The following CRPPA variants were observed in gnomAD, a reference collection of about 807,000 sequenced individuals.
CRPPA encodes the protein D-ribitol-5-phosphate cytidylyltransferase.
Under a neutral mutation model 52.0 loss-of-function variants are expected in CRPPA, and 43 were observed. The observed-to-expected ratio is 0.83, with a 90% CI of 0.65 to 1.07. The LOEUF (loss-of-function observed/expected upper bound fraction) is 1.07, where lower values mean the gene tolerates loss of function less well. CRPPA is among the 50% of genes least tolerant of loss of function. CRPPA has a pLI of 0.00. For synonymous variants in CRPPA, 250 were observed against 203.5 expected, an observed-to-expected ratio of 1.23 and a Z score of -1.94; for missense variants, 629 against 551.7, an observed-to-expected ratio of 1.14 and a Z score of -1.40.
chr7:16,366,741 T>C (rs1237845143), intron 3 of CRPPA, among the ~76,000 whole-genome samples: 9 of 144,692 alleles, frequency 6.2e-5, no homozygotes, highest in Non-Finnish European at 1.1e-4. Flanking sequence ...TATATGAACC[T>C]ACCTAGTAGA....
At chr7:16,363,547 AT>A (rs992876660) in intron 3 of CRPPA, among the ~76,000 whole-genome samples, 3 of 152,156 alleles carry the variant, frequency 2.0e-5, no homozygotes, top group African/African-American at 7.2e-5. Context: ...TATCTATTTG[AT>A]TTTTTTAGAG....
At chr7:16,293,399 C>G (rs925117766) in intron 5 of CRPPA, among the ~76,000 whole-genome samples, 3 of 151,848 alleles carry the variant, frequency 2.0e-5, no homozygotes, top group African/African-American at 7.2e-5. Flanking sequence ...TTCTTTGAAT[C>G]AAAAGCCAAT....
chr7:16,267,802 C>T (rs770156875), intron 6 of CRPPA, among the ~76,000 whole-genome samples: 9 of 151,902 alleles, frequency 5.9e-5, no homozygotes, highest in Non-Finnish European at 8.8e-5. Context: ...GTTAAGGATT[C>T]GAGCGTGGGT....
intron 6 of CRPPA, among the ~76,000 whole-genome samples, chr7:16,260,489 G>T (rs368055917): frequency 1.3e-5 from 2 of 151,930 alleles, no homozygotes; most frequent in South Asian, 4.1e-4. Context: ...GAAAAAAACC[G>T]AGTGCTACAT....
chr7:16,407,800 T>C (rs1169357500), intron 1 of CRPPA, among the ~76,000 whole-genome samples: 1 of 152,102 alleles, frequency 6.6e-6, no homozygotes, highest in Admixed American at 6.6e-5. Flanking sequence ...TAATATTTAT[T>C]GAGCACTGAG....
chr7:16,092,203 AG>A (rs989085822), intron 9 of CRPPA, among the ~76,000 whole-genome samples: 62 of 151,156 alleles, frequency 4.1e-4, no homozygotes, highest in Non-Finnish European at 5.3e-4. Context: ...GTACCGGTAT[AG>A]GGGGGAAAAC....
At chr7:16,359,553 T>G (rs1786389252) in intron 3 of CRPPA, among the ~76,000 whole-genome samples, 1 of 152,214 alleles carries the variant, frequency 6.6e-6, no homozygotes, top group Admixed American at 6.5e-5. Context: ...TTCTAACTTT[T>G]GTCCCCTCCT....
intron 9 of CRPPA, among the ~76,000 whole-genome samples, chr7:16,175,395 C>A (rs1046995849): frequency 6.6e-6 from 1 of 152,044 alleles, no homozygotes. Flanking sequence ...ATATACATTA[C>A]TTGTTTTTAA....
chr7:16,383,935 C>T (rs746360131), intron 2 of CRPPA, among the ~76,000 whole-genome samples: 39 of 152,196 alleles, frequency 2.6e-4, no homozygotes, highest in African/African-American at 3.9e-4. Flanking sequence ...ACTCCCTGAC[C>T]GCTTGCACTT....
rs990417071 is a variant in CRPPA at position 16,089,393 on chromosome 7, T to C, written c.*2302A>G. On this transcript the variant is annotated 3_prime_UTR_variant, in exon 10 of 10. Coordinates refer to ENST00000407010, the MANE Select transcript of CRPPA (RefSeq NM_001101426.4). The stretch of plus-strand genomic sequence containing the variant: ...ATGTACATATATACGTATATATGTA[T>C]GTACATAATGTGTATATATGTACGT... 34 of 369,038 alleles carry C rather than the reference T, an allele frequency of 9.2e-5. 1 individual carries two copies. Among genetic ancestry groups the C allele is most frequent in the African/African-American group, 5.6e-4 (26 of 46,574 alleles). The allele number at this position is 369,038 out of a possible 1,614,324, so 22.9% of individuals were successfully genotyped here.
chr7:16,104,069 G>A (rs780192689), intron 9 of CRPPA, among the ~76,000 whole-genome samples: 1 of 152,134 alleles, frequency 6.6e-6, no homozygotes, highest in African/African-American at 2.4e-5. Context: ...TGACTATTAG[G>A]CTTTTGAATA....
intron 3 of CRPPA, among the ~76,000 whole-genome samples, chr7:16,327,283 T>C (rs1177905501): frequency 1.3e-5 from 2 of 152,150 alleles, no homozygotes; most frequent in South Asian, 2.1e-4. Context: ...ACATGCATCC[T>C]GTGCAGACAG....
At chr7:16,286,020 C>A (rs78393481) in intron 5 of CRPPA, among the ~76,000 whole-genome samples, 1,690 of 7,174 alleles carry the variant, frequency 0.24, 79 homozygotes, top group African/African-American at 0.38. Flanking sequence ...AACTCCATCT[C>A]AAAAAAAAAA....
intron 3 of CRPPA, among the ~76,000 whole-genome samples, chr7:16,327,585 G>A (rs1785442694): frequency 8.6e-6 from 1 of 115,806 alleles, no homozygotes; most frequent in Non-Finnish European, 1.6e-5. Flanking sequence ...GGGCGACAGA[G>A]CGAGACTCCG....
intron 9 of CRPPA, among the ~76,000 whole-genome samples, chr7:16,093,752 TATAA>T (rs1336124523): frequency 5.3e-5 from 8 of 152,344 alleles, no homozygotes; most frequent in South Asian, 2.1e-4. Context: ...TTCATAAACA[TATAA>T]ATAAATATTC....
intron 9 of CRPPA, among the ~76,000 whole-genome samples, chr7:16,120,193 C>A (rs756610279): frequency 9.2e-5 from 14 of 152,126 alleles, no homozygotes; most frequent in African/African-American, 3.4e-4. Context: ...TCCTTTAAGC[C>A]CTTCAGGTGT....
intron 3 of CRPPA, among the ~76,000 whole-genome samples, chr7:16,374,754 C>T (rs1269637768): frequency 6.6e-6 from 1 of 152,060 alleles, no homozygotes; most frequent in Non-Finnish European, 1.5e-5. Flanking sequence ...CTCACTTTAC[C>T]ACTGTCTTCT....
intron 9 of CRPPA, among the ~76,000 whole-genome samples, chr7:16,105,971 C>G (rs1782142609): frequency 6.6e-6 from 1 of 152,176 alleles, no homozygotes. Flanking sequence ...GAAAGTCAAA[C>G]AGTGGCTCCA....
At position 16,091,769 on chromosome 7, in the gene CRPPA, G is replaced by A; in HGVS notation, c.1282C>T (p.Gln428Ter). Residue 428 changes from glutamine to a stop codon, truncating the protein, a stop_gained, in exon 10 of 10, where the codon CAA (glutamine) becomes TAA (stop). Transcript: ENST00000407010. LOFTEE classifies it high-confidence loss of function. Reference sequence around the variant, plus strand: ...AATGAAGCAATAATGATAGCACCTTGCCTTAAACTCTCCTGTAGCTTCTGA... The same window carrying A: ...AATGAAGCAATAATGATAGCACCTTACCTTAAACTCTCCTGTAGCTTCTGA... The part of the protein sequence containing the change: ...DDQKLQESLR[Q>*]GAIIIASLIK... 1 of 1,552,310 alleles carries A rather than the reference G, an allele frequency of 6.4e-7. No homozygotes were observed.
Sources: gnomAD v4.1 joint callset for allele counts (sites outside exome capture counted in the v4.1 genomes callset) on GRCh38, gnomAD v4.1.1 for gene constraint, MANE v1.5 for transcripts, NCBI Gene and HGNC (gene_info 2026-07-23, HGNC 2026-07-21) for gene names.